The following PPP1R21 variants were observed in gnomAD, a reference collection of about 807,000 sequenced individuals.
PPP1R21 encodes KLRAQ motif containing 1.
PPP1R21 carries 85 observed loss-of-function variants against 112.8 expected under a neutral mutation model. That is an observed-to-expected ratio of 0.75 (90% CI 0.63 to 0.90). PPP1R21 has a LOEUF of 0.90. Ranked by LOEUF, PPP1R21 falls within the 40% of genes least tolerant of loss-of-function variation. The probability of loss-of-function intolerance (pLI) is 0.00; values close to 1 mark genes in which losing one functional copy is unlikely to be tolerated. For synonymous variants in PPP1R21, 381 were observed against 322.3 expected, an observed-to-expected ratio of 1.18 and a Z score of -1.95; for missense variants, 1,199 against 901.5, an observed-to-expected ratio of 1.33 and a Z score of -4.23.
At chr2:48,488,137 C>A (rs910155571) in intron 14 of PPP1R21, among the ~76,000 whole-genome samples, 38 of 152,256 alleles carry the variant, frequency 2.5e-4, no homozygotes, top group African/African-American at 8.4e-4. Flanking sequence ...TTTGTGACCA[C>A]TTGCTATAGC....
chr2:48,469,293 GTGTATGTA>G (rs145882371), intron 9 of PPP1R21, among the ~76,000 whole-genome samples: 563 of 33,926 alleles, frequency 0.017, 55 homozygotes, highest in African/African-American at 0.067. Flanking sequence ...GTGTGTGTGT[GTGTATGTA>G]TATATATACA....
chr2:48,489,465 C>T (rs190656959), intron 14 of PPP1R21, among the ~76,000 whole-genome samples: 57 of 152,064 alleles, frequency 3.7e-4, no homozygotes, highest in African/African-American at 1.3e-3. Context: ...ACCTCGGTCT[C>T]CCAAGTAGCT....
rs757035284 is a variant in PPP1R21 at position 48,471,167 on chromosome 2, T to C, written c.978T>C (p.Thr326=). Residue 326 remains threonine (T), a synonymous_variant, in exon 10 of 22, where the codon ACT becomes ACC. Transcript: ENST00000294952. ...TGCTTCATTTATTTGAAAGTATCAC[T>C]GAGGATACTGTGACTGTCTTGGTAA... The part of the protein sequence containing the change: ...EGMLHLFESI[T]EDTVTVLETT... 6.2e-7 allele frequency: 1 copy of C among 1,611,390 alleles called. No homozygotes were observed.
intron 2 of PPP1R21, 47 bp from the exon 3 acceptor site, chr2:48,454,548 C>G: frequency 6.2e-7 from 1 of 1,609,136 alleles, no homozygotes; most frequent in Non-Finnish European, 8.5e-7. Context: ...AATTTCTAAA[C>G]CTTACAGCTA....
intron 17 of PPP1R21, 107 bp from the exon 18 acceptor site, chr2:48,505,457 C>G: frequency 1.2e-6 from 1 of 804,704 alleles, no homozygotes; most frequent in Non-Finnish European, 2.1e-6. Flanking sequence ...TAGTTCTGTA[C>G]CCTCAATGCT....
Position 48,511,444 on chromosome 2 carries a change from T to G in PPP1R21, c.2289T>G (p.Ile763Met). 1 of 1,614,032 alleles carries G rather than the reference T, an allele frequency of 6.2e-7. No homozygotes were observed. The highest frequency in any genetic ancestry group is 1.1e-5 in the South Asian group (1 of 91,066). Residue 763 changes from isoleucine to methionine, a missense_variant, in exon 21 of 22, where the codon ATT becomes ATG. Physicochemically the swap from Ile to Met is conservative, Grantham distance 10. Transcript: ENST00000294952. Reference sequence around the variant, plus strand: ...CATTATCTAAACAGAGAGAAGAGATTGACACACTAAAGATGTCCAGTAAGG... The same window carrying G: ...CATTATCTAAACAGAGAGAAGAGATGGACACACTAAAGATGTCCAGTAAGG... ...NETLSKQREE[I>M]DTLKMSSKGN... is the part of the protein sequence containing the mutation.
chr2:48,460,227 CCT>C (rs1262085951), intron 6 of PPP1R21, 74 bp downstream of exon 6: 8 of 1,424,518 alleles, frequency 5.6e-6, no homozygotes, highest in Admixed American at 5.4e-5. Context: ...TGTAGCAGCT[CCT>C]CTGTTTTAAT....
intron 14 of PPP1R21, among the ~76,000 whole-genome samples, chr2:48,487,745 A>G (rs980205667): frequency 2.0e-5 from 3 of 149,516 alleles, no homozygotes; most frequent in Admixed American, 1.3e-4. Flanking sequence ...TGGGTGACAG[A>G]GCAAGACCCT....
intron 17 of PPP1R21, among the ~76,000 whole-genome samples, chr2:48,503,233 A>G (rs1670206146): frequency 6.6e-6 from 1 of 152,244 alleles, no homozygotes. Context: ...TGAATAATCA[A>G]GCCACCAATG....
chr2:48,486,524 T>C, intron 13 of PPP1R21, 107 bp from the exon 14 acceptor site: 2 of 859,054 alleles, frequency 2.3e-6, no homozygotes, highest in Non-Finnish European at 3.6e-6. Context: ...CTTTGTCAAA[T>C]TTACTTTATA....
In PPP1R21 at chr2:48,514,837, C is replaced by G. The variant is rs977284174; in HGVS notation, c.*93C>G. The stretch of plus-strand genomic sequence containing the variant: ...AGACCACGTCCATGCTGGCTGCCTT[C>G]AGGAAGCTAAAGTATTGTTGGACCT... On this transcript the variant is annotated 3_prime_UTR_variant, in exon 22 of 22. Coordinates refer to ENST00000294952, the MANE Select transcript of PPP1R21 (RefSeq NM_001135629.3). 2.3e-6 allele frequency: 3 copies of G among 1,291,200 alleles called. No individual in the cohort carries two copies. The Admixed American group carries it at 6.2e-5, about 26-fold the overall frequency. The allele number at this position is 1,291,200 out of a possible 1,614,324, so 80.0% of individuals were successfully genotyped here. A position where few individuals can be genotyped will look rare whatever the true frequency, so the allele number is the denominator to read the frequency against.
At position 48,463,589 on chromosome 2, in the gene PPP1R21, A is replaced by G. The variant is rs1370163942; in HGVS notation, c.695-1348A>G. On this transcript the variant is annotated intron_variant, in intron 7 of 21. Coordinates refer to ENST00000294952, the MANE Select transcript of PPP1R21 (RefSeq NM_001135629.3). Reference sequence around the variant, plus strand: ...GAGAGCCTGACAGACGGGCAAAGTGAAAGAAAAGGCTGGGGACAGGAGTCA... The same window carrying G: ...GAGAGCCTGACAGACGGGCAAAGTGGAAGAAAAGGCTGGGGACAGGAGTCA... Among the ~76,000 whole-genome samples, 3 of 152,120 alleles carry G rather than the reference A, an allele frequency of 2.0e-5. No homozygotes were observed. The East Asian group carries it at 5.8e-4, about 29-fold the overall frequency.
intron 16 of PPP1R21, among the ~76,000 whole-genome samples, chr2:48,497,771 C>G (rs1669911867): frequency 6.6e-6 from 1 of 151,918 alleles, no homozygotes; most frequent in Non-Finnish European, 1.5e-5. Flanking sequence ...CCTGCCTCAG[C>G]CTCCCGAGTA....
At chr2:48,501,766 G>T (rs942788433) in intron 17 of PPP1R21, among the ~76,000 whole-genome samples, 2 of 151,688 alleles carry the variant, frequency 1.3e-5, no homozygotes, top group African/African-American at 4.8e-5. Flanking sequence ...CTATCATTGT[G>T]CCACTGTACT....
intron 1 of PPP1R21, among the ~76,000 whole-genome samples, chr2:48,450,159 G>C (rs1327440318): frequency 6.6e-6 from 1 of 152,218 alleles, no homozygotes; most frequent in East Asian, 1.9e-4. Context: ...CACCTCTCCA[G>C]CTCACTGCTT....
In PPP1R21 at chr2:48,483,195, C is replaced by CTTTTTTTTTTT. The variant is rs755036470; in HGVS notation, c.1318+3193_1318+3203dup. Among the ~76,000 whole-genome samples, 76 of 80,912 alleles carry CTTTTTTTTTTT rather than the reference C, an allele frequency of 9.4e-4. 1 individual carries two copies. The highest frequency in any genetic ancestry group is 1.1e-3 in the Non-Finnish European group (52 of 47,684). The allele number at this position is 80,912 out of a possible 152,430, so 53.1% of individuals were successfully genotyped here. On this transcript the variant is annotated intron_variant, in intron 13 of 21. Coordinates refer to ENST00000294952, the MANE Select transcript of PPP1R21 (RefSeq NM_001135629.3). ...TATAAAATAAAGATACTTTTTTTTC[C>CTTTTTTTTTTT]TTTTTTTTTTTTTTTTTTTTTTTTG...
intron 16 of PPP1R21, among the ~76,000 whole-genome samples, chr2:48,497,736 C>G (rs963047233): frequency 6.6e-6 from 1 of 150,990 alleles, no homozygotes; most frequent in Non-Finnish European, 1.5e-5. Flanking sequence ...ACTGCAAACT[C>G]CGCCTCCTGG....
In PPP1R21 at chr2:48,470,955, G is replaced by A. The variant is rs1234892659; in HGVS notation, c.898-132G>A. On this transcript the variant is annotated intron_variant, in intron 9 of 21. Transcript: ENST00000294952. The stretch of plus-strand genomic sequence containing the variant: ...TAAAAGTTTCCAAAACTTGAGCACA[G>A]GAGTTTGAGGCTGCAGTGAGCCATT... 1.1e-5 allele frequency: 7 copies of A among 634,142 alleles called. 1 individual carries two copies. The highest frequency in any genetic ancestry group is 1.9e-5 in the Non-Finnish European group (7 of 362,952). 39.3% of individuals were successfully genotyped at this position (634,142 alleles called of 1,614,324 possible).
intron 19 of PPP1R21, among the ~76,000 whole-genome samples, chr2:48,508,356 T>C (rs765627807): frequency 3.2e-4 from 49 of 152,226 alleles, no homozygotes; most frequent in Non-Finnish European, 6.6e-4. Context: ...TATTGAGACC[T>C]GACTTTTTGA....
Sources: gnomAD v4.1 joint callset for allele counts (sites outside exome capture counted in the v4.1 genomes callset) on GRCh38, gnomAD v4.1.1 for gene constraint, MANE v1.5 for transcripts, NCBI Gene and HGNC (gene_info 2026-07-23, HGNC 2026-07-21) for gene names.